Variants in FXYD2 observed in about 807,000 individuals in gnomAD.
FXYD2 encodes the protein sodium/potassium-transporting ATPase subunit gamma.
FXYD2 carries 8 observed loss-of-function variants against 11.8 expected under a neutral mutation model. The observed-to-expected ratio is 0.68, with a 90% CI of 0.40 to 1.22. FXYD2 has a LOEUF of 1.22. Ranked by LOEUF, FXYD2 falls within the 50% of genes most tolerant of loss-of-function variation. The pLI, the probability that FXYD2 is intolerant of heterozygous loss-of-function variation, is 0.01. For synonymous variants in FXYD2, 42 were observed against 33.3 expected (o/e 1.26, Z -0.90); for missense variants, 92 against 91.8 (o/e 1.00, Z -0.01).
Position 117,820,702 on chromosome 11 carries a change from G to C in FXYD2, c.177-6C>G, listed in dbSNP as rs778525146. On this transcript the variant is annotated splice_polypyrimidine_tract_variant and splice_region_variant and intron_variant, in intron 4 of 5. Coordinates refer to ENST00000292079, the MANE Select transcript of FXYD2 (RefSeq NM_001680.5). ...GCTCATCTTCATTGATTTGCCTGGT[G>C]GGGGAAGGAAAAGCAACAGGTGAGA... 6.2e-7 allele frequency: 1 copy of C among 1,613,836 alleles called. No individual in the cohort carries two copies. Among genetic ancestry groups the C allele is most frequent in the Admixed American group, 1.7e-5 (1 of 59,988 alleles).
At chr11:117,827,097 TA>T (rs982389718), upstream of FXYD2, among the ~76,000 whole-genome samples, 5 of 99,212 alleles carry the variant, frequency 5.0e-5, no homozygotes, top group African/African-American at 2.1e-4. Flanking sequence ...GATAGATAGA[TA>T]GATAGATAGA....
chr11:117,827,849 A>T, upstream of FXYD2: 1 of 713,312 alleles, frequency 1.4e-6, no homozygotes, highest in Non-Finnish European at 2.6e-6. Flanking sequence ...CTCCGTATGG[A>T]GATGCTCTTT....
rs1205701032 is a variant in FXYD2 at position 117,820,881 on chromosome 11, A to G, written c.154T>C (p.Cys52Arg). The G allele has an allele frequency of 1.2e-6, 2 of 1,611,676 alleles. No homozygotes were observed. The highest frequency in any genetic ancestry group is 1.7e-5 in the Admixed American group (1 of 59,698). Residue 52 changes from cysteine (C) to arginine (R), a missense_variant, in exon 4 of 6, where the codon TGT becomes CGT. Transcript: ENST00000292079. ...LLILLSRRFRCGGNKKRRQIN... is the reference protein window; with the variant it reads ...LLILLSRRFRRGGNKKRRQIN... The stretch of plus-strand genomic sequence containing the variant: ...CACCTGCGCTTCTTATTGCCCCCAC[A>G]GCGGAATCTTCTGCCTTGAAAAGAG...
At chr11:117,824,850 G>C, upstream of FXYD2, 1 of 817,714 alleles carries the variant, frequency 1.2e-6, no homozygotes. This position sits in a 1 kb window ranked among gnomAD's most constrained non-coding sequence, Gnocchi z 4.0. Context: ...TGGATGGAGG[G>C]GCTCCTTCTG....
rs1211138691 is a variant in FXYD2 at position 117,822,560 on chromosome 11, G to A, written c.65-80C>T. On this transcript the variant is annotated intron_variant, in intron 2 of 5. Coordinates refer to ENST00000292079, the MANE Select transcript of FXYD2 (RefSeq NM_001680.5). The surrounding 1 kb of genome is among the most constrained non-coding windows in gnomAD (Gnocchi z 4.7). ...CTCTCTCCGCAGCCTGCCCGCAGCAGCCCGTGGTAACCAGGGGAGATAAGG... is the reference window on the plus strand; with the variant it reads ...CTCTCTCCGCAGCCTGCCCGCAGCAACCCGTGGTAACCAGGGGAGATAAGG... 6.4e-7 allele frequency: 1 copy of A among 1,560,356 alleles called. No individual in the cohort carries two copies. The highest frequency in any genetic ancestry group is 1.2e-5 in the South Asian group (1 of 84,776).
chr11:117,824,954 G>A (rs1591537017), upstream of FXYD2, among the ~76,000 whole-genome samples: 1 of 152,236 alleles, frequency 6.6e-6, no homozygotes, highest in Non-Finnish European at 1.5e-5. The surrounding 1 kb of genome is among the most constrained non-coding windows in gnomAD (Gnocchi z 4.0). Flanking sequence ...GAAGGGTTGG[G>A]ATGGGTCAGC....
upstream of FXYD2, among the ~76,000 whole-genome samples, chr11:117,826,622 C>A (rs904824357): frequency 1.3e-5 from 2 of 152,212 alleles, no homozygotes; most frequent in African/African-American, 4.8e-5. Flanking sequence ...CATCTCCACA[C>A]AAGACAAGGG....
At chr11:117,827,522 T>C (rs1003432258), upstream of FXYD2, among the ~76,000 whole-genome samples, 1 of 152,240 alleles carries the variant, frequency 6.6e-6, no homozygotes, top group Non-Finnish European at 1.5e-5. Flanking sequence ...GTGCTGGAAT[T>C]ACAGGCGTGA....
At chr11:117,820,740 G>T in intron 4 of FXYD2, 44 bp from the exon 5 acceptor site, 1 of 1,613,326 alleles carries the variant, frequency 6.2e-7, no homozygotes, top group Non-Finnish European at 8.5e-7. Context: ...GCAGGGGGAG[G>T]GGTGGGTCTA....
In FXYD2 at chr11:117,822,848, G is replaced by T; in HGVS notation, c.26-131C>A. On this transcript the variant is annotated intron_variant, in intron 1 of 5. Transcript: ENST00000292079. The surrounding 1 kb of genome is among the most constrained non-coding windows in gnomAD (Gnocchi z 4.7). ...CCAAGCAGGCGAGGGGAGGCTGGGA[G>T]CAGGGGTGTTGCTAAAACCATTGCC... The T allele has an allele frequency of 7.9e-7, 1 of 1,271,076 alleles. No individual in the cohort carries two copies. Among genetic ancestry groups the T allele is most frequent in the Non-Finnish European group, 1.1e-6 (1 of 906,068 alleles). The allele number at this position is 1,271,076 out of a possible 1,614,324, so 78.7% of individuals were successfully genotyped here. A position where few individuals can be genotyped will look rare whatever the true frequency, so the allele number is the denominator to read the frequency against.
In FXYD2 at chr11:117,824,658, G is replaced by A. The variant is rs371012665; in HGVS notation, c.21C>T (p.Asp7=). ...CACGCACACCAGCACACTCACCACC[G>A]TCCATCGACAACCCAGTCATTTCCC... MTGLSM[D]GGGSPKGDVD... is the part of the protein sequence containing the mutation. Residue 7 remains aspartate (D), a synonymous_variant, in exon 1 of 6, where the codon GAC becomes GAT. Transcript: ENST00000292079. The surrounding 1 kb of genome is among the most constrained non-coding windows in gnomAD (Gnocchi z 4.0). The A allele has an allele frequency of 7.7e-5, 125 of 1,613,390 alleles. No individual in the cohort carries two copies. The highest frequency in any genetic ancestry group is 3.3e-4 in the Middle Eastern group (2 of 6,084).
In FXYD2 at chr11:117,822,127, T is replaced by C. The variant is rs12274595; in HGVS notation, c.139+279A>G. The C allele has an allele frequency of 0.19, 266,005 of 1,374,822 alleles. 27,302 individuals carry two copies. The highest frequency in any genetic ancestry group is 0.21 in the Non-Finnish European group (224,005 of 1,059,864). The allele number at this position is 1,374,822 out of a possible 1,614,324, so 85.2% of individuals were successfully genotyped here. A position where few individuals can be genotyped will look rare whatever the true frequency, so the allele number is the denominator to read the frequency against. ...AGCAGCGGGGGGCCTAGTCCCCCTGTCTGGCCCTCCGGTTACCCAGTTACC... is the reference window on the plus strand; with the variant it reads ...AGCAGCGGGGGGCCTAGTCCCCCTGCCTGGCCCTCCGGTTACCCAGTTACC... On this transcript the variant is annotated intron_variant, in intron 3 of 5. Coordinates refer to ENST00000292079, the MANE Select transcript of FXYD2 (RefSeq NM_001680.5). The surrounding 1 kb of genome is among the most constrained non-coding windows in gnomAD (Gnocchi z 4.7).
At chr11:117,823,352 A>G (rs1035455698) in intron 1 of FXYD2, among the ~76,000 whole-genome samples, 4 of 152,232 alleles carry the variant, frequency 2.6e-5, no homozygotes, top group Non-Finnish European at 4.4e-5. Flanking sequence ...TGAGGCGTCA[A>G]TGTCATTCTG....
chr11:117,821,273 C>G, intron 3 of FXYD2: 1 of 834,650 alleles, frequency 1.2e-6, no homozygotes, highest in South Asian at 5.3e-5. Flanking sequence ...ATTGACCAGG[C>G]TGGTCTTAAA....
intron 3 of FXYD2, chr11:117,821,113 G>GT: frequency 2.1e-6 from 1 of 486,560 alleles, no homozygotes; most frequent in East Asian, 4.4e-5. Flanking sequence ...CTGGAGTGCA[G>GT]TGGTGGGATC....
upstream of FXYD2, among the ~76,000 whole-genome samples, chr11:117,826,754 ATCTG>A (rs61440081): frequency 0.021 from 2,949 of 143,542 alleles, 43 homozygotes; most frequent in East Asian, 0.028. Context: ...AAATAAATTC[ATCTG>A]TCTGTCTGTC....
chr11:117,821,261 G>T, intron 3 of FXYD2: 1 of 769,844 alleles, frequency 1.3e-6, no homozygotes, highest in Non-Finnish European at 1.6e-6. Context: ...GGGTCTCACT[G>T]TATTGACCAG....
chr11:117,821,179 C>G, intron 3 of FXYD2: 1 of 388,648 alleles, frequency 2.6e-6, no homozygotes, highest in Non-Finnish European at 4.0e-6. Context: ...GCCTCAGCCT[C>G]CCAAGTAGCT....
In FXYD2 at chr11:117,820,695, G is replaced by C; in HGVS notation, c.178C>G (p.Gln60Glu). The C allele has an allele frequency of 6.2e-7, 1 of 1,613,922 alleles. No homozygotes were observed. The highest frequency in any genetic ancestry group is 8.5e-7 in the Non-Finnish European group (1 of 1,179,976). The change falls in exon 5 of 6, where the codon CAA (glutamine) becomes GAA (glutamate). Residue 60 changes from glutamine (Q) to glutamate (E), a missense_variant and splice_region_variant. By Grantham distance (29) the Gln-to-Glu change is conservative. Transcript: ENST00000292079. ...FRCGGNKKRR[Q>E]INEDEP ...TGTTACGGCTCATCTTCATTGATTTGCCTGGTGGGGGAAGGAAAAGCAACA... is the reference window on the plus strand; with the variant it reads ...TGTTACGGCTCATCTTCATTGATTTCCCTGGTGGGGGAAGGAAAAGCAACA...
Sources: gnomAD v4.1 joint callset for allele counts (sites outside exome capture counted in the v4.1 genomes callset) on GRCh38, gnomAD v4.1.1 for gene constraint, Gnocchi (gnomAD v3.1) non-coding constraint, MANE v1.5 for transcripts, NCBI Gene and HGNC (gene_info 2026-07-23, HGNC 2026-07-21) for gene names.